The following BTBD7 variants were observed in gnomAD, a reference collection of about 807,000 sequenced individuals.
The protein encoded by BTBD7 is BTB/POZ domain-containing protein 7.
BTBD7 carries 38 observed loss-of-function variants against 99.9 expected under a neutral mutation model. That is an observed-to-expected ratio of 0.38 (90% CI 0.29 to 0.50). BTBD7 has a LOEUF of 0.50. Ranked by LOEUF, BTBD7 falls within the 20% of genes least tolerant of loss-of-function variation. The pLI is 0.93. For synonymous variants in BTBD7, 520 were observed against 511.4 expected, an observed-to-expected ratio of 1.02 and a Z score of -0.23; for missense variants, 1,170 against 1,394.6, an observed-to-expected ratio of 0.84 and a Z score of 2.57.
rs114851925 is a variant in BTBD7, at chr14:93,249,508, C to G, written c.1943-854G>C. ...CACTTTTGCAGGAGGATGACAGGAT[C>G]AGAGCTGTGAACAAGTGCATTCTGA... On this transcript the variant is annotated intron_variant, in intron 8 of 10. Coordinates refer to ENST00000334746, the MANE Select transcript of BTBD7 (RefSeq NM_001002860.4). Among the ~76,000 whole-genome samples the G allele has an allele frequency of 1.2e-3, 186 of 152,288 alleles. 2 individuals are homozygous for G. The highest frequency in any genetic ancestry group is 4.0e-3 in the African/African-American group (168 of 41,556).
At chr14:93,288,304 ATACTC>A in intron 3 of BTBD7, 1 of 584,676 alleles carries the variant, frequency 1.7e-6, no homozygotes, top group African/African-American at 1.9e-5. Context: ...CCCTGGATGA[ATACTC>A]TAGTTTTATT....
chr14:93,331,879 T>TCCCCCCCCCC (rs71129629), intron 1 of BTBD7, among the ~76,000 whole-genome samples: 9 of 133,114 alleles, frequency 6.8e-5, no homozygotes, highest in Non-Finnish European at 1.2e-4. Context: ...AGACTCCGTC[T>TCCCCCCCCCC]CCCCCCCCCC....
At chr14:93,315,087 T>C (rs115957132) in intron 1 of BTBD7, among the ~76,000 whole-genome samples, 2,618 of 152,172 alleles carry the variant, frequency 0.017, 82 homozygotes, top group African/African-American at 0.06. Flanking sequence ...GTTTCCTCCT[T>C]CTTACTGCAA....
intron 5 of BTBD7, among the ~76,000 whole-genome samples, chr14:93,258,986 GAACAAGC>G (rs1011761715): frequency 6.6e-6 from 1 of 152,134 alleles, no homozygotes; most frequent in Non-Finnish European, 1.5e-5. Flanking sequence ...TTACATCACT[GAACAAGC>G]TTATGGTCTA....
intron 10 of BTBD7, among the ~76,000 whole-genome samples, 199 bp from the exon 11 acceptor site, chr14:93,243,287 G>A (rs376898109): frequency 1.3e-5 from 2 of 151,834 alleles, no homozygotes; most frequent in African/African-American, 4.8e-5. Flanking sequence ...TCTGCCTCCC[G>A]GGTTCAAGTG....
At chr14:93,316,362 C>T (rs1169174403) in intron 1 of BTBD7, among the ~76,000 whole-genome samples, 1 of 151,962 alleles carries the variant, frequency 6.6e-6, no homozygotes, top group Non-Finnish European at 1.5e-5. Flanking sequence ...CTCCTGGGCT[C>T]AAGTGATCCT....
intron 1 of BTBD7, among the ~76,000 whole-genome samples, chr14:93,304,477 G>A (rs1486327195): frequency 6.6e-6 from 1 of 152,088 alleles, no homozygotes; most frequent in African/African-American, 2.4e-5. Flanking sequence ...TCAGCCTCCC[G>A]AGTAGCTGGG....
intron 4 of BTBD7, among the ~76,000 whole-genome samples, chr14:93,262,587 T>C (rs879806280): frequency 3.3e-5 from 5 of 152,072 alleles, no homozygotes; most frequent in Non-Finnish European, 7.4e-5. Context: ...AGTGTAAGTA[T>C]AGGGTATAGG....
chr14:93,270,517 A>C (rs2052590984), intron 3 of BTBD7, among the ~76,000 whole-genome samples: 1 of 151,870 alleles, frequency 6.6e-6, no homozygotes. Context: ...ACATGGCGAA[A>C]CCCAGTCTCT....
chr14:93,280,831 T>A (rs1439570087), intron 3 of BTBD7, among the ~76,000 whole-genome samples: 1 of 151,634 alleles, frequency 6.6e-6, no homozygotes. Flanking sequence ...TTTGAAGGTA[T>A]TATTTATAAA....
intron 1 of BTBD7, among the ~76,000 whole-genome samples, chr14:93,320,456 G>A (rs1343009028): frequency 6.6e-6 from 1 of 152,210 alleles, no homozygotes. Flanking sequence ...AGAGTGCCAA[G>A]GTTGAGAAGC....
intron 10 of BTBD7, 91 bp from the exon 11 acceptor site, chr14:93,243,179 A>G: frequency 8.1e-7 from 1 of 1,236,152 alleles, no homozygotes; most frequent in Non-Finnish European, 1.1e-6. Context: ...CCCAATTATA[A>G]AATTAACACA....
At chr14:93,332,453 C>A (rs2053448927) in intron 1 of BTBD7, 1 of 158,244 alleles carries the variant, frequency 6.3e-6, no homozygotes, top group South Asian at 2.0e-4. Flanking sequence ...TTCTCAGCGT[C>A]CTGGGAGCGA....
intron 1 of BTBD7, among the ~76,000 whole-genome samples, chr14:93,320,697 T>A (rs1280771944): frequency 6.6e-6 from 1 of 152,188 alleles, no homozygotes; most frequent in Non-Finnish European, 1.5e-5. Flanking sequence ...ACAATGTGCA[T>A]GCCTTACATC....
intron 1 of BTBD7, among the ~76,000 whole-genome samples, chr14:93,296,739 G>T (rs568301092): frequency 6.6e-6 from 1 of 152,044 alleles, no homozygotes; most frequent in Non-Finnish European, 1.5e-5. Context: ...AATTTTGAAA[G>T]AAGTTATTAT....
At chr14:93,308,682 A>C (rs76446292) in intron 1 of BTBD7, among the ~76,000 whole-genome samples, 19,944 of 152,262 alleles carry the variant, frequency 0.13, 1,676 homozygotes, top group East Asian at 0.3. Context: ...AAAAGGAAGG[A>C]AATTCTGACA....
Position 93,242,466 on chromosome 14 carries a change from G to A in BTBD7, c.3206C>T (p.Thr1069Ile), listed in dbSNP as rs953718840. Residue 1069 changes from threonine (T) to isoleucine (I), a missense_variant, in exon 11 of 11, where the codon ACT (threonine) becomes ATT (isoleucine). By Grantham distance (89) the Thr-to-Ile change is moderately conservative (BLOSUM62 -1). Coordinates refer to ENST00000334746, the MANE Select transcript of BTBD7 (RefSeq NM_001002860.4). ...TGCAGAAAGTGAAGGTCTGTTAGGA[G>A]TCAGCCCAAAAGTCAAGTCAGTTTC... ...AVETDLTFGL[T>I]PNRPSLSACS... 3 of 1,614,252 alleles carry A rather than the reference G, an allele frequency of 1.9e-6. No homozygotes were observed. The highest frequency in any genetic ancestry group is 2.7e-5 in the African/African-American group (2 of 75,072).
At chr14:93,264,471 T>C (rs1213029096) in intron 3 of BTBD7, among the ~76,000 whole-genome samples, 3 of 152,168 alleles carry the variant, frequency 2.0e-5, no homozygotes, top group Admixed American at 6.5e-5. Context: ...CCTTGCATTG[T>C]TGACAGTTTA....
rs550673397 is a variant in BTBD7, at chr14:93,250,761, G to A, written c.1942+702C>T. 1.9e-4 allele frequency among the ~76,000 whole-genome samples: 29 copies of A among 152,208 alleles called. 2 individuals carry two copies. The South Asian group carries it at 5.4e-3, about 28-fold the overall frequency. ...TGGACATGACAGTTATATCCTGATC[G>A]ATAGCCAATTCCCCTAAAGTCGTAA... On this transcript the variant is annotated intron_variant, in intron 8 of 10. Transcript: ENST00000334746.
Sources: gnomAD v4.1 joint callset for allele counts (sites outside exome capture counted in the v4.1 genomes callset) on GRCh38, gnomAD v4.1.1 for gene constraint, MANE v1.5 for transcripts, NCBI Gene and HGNC (gene_info 2026-07-23, HGNC 2026-07-21) for gene names.